The following TAGLN variants were observed in gnomAD, a reference collection of about 807,000 sequenced individuals.
TAGLN encodes 22 kDa actin-binding protein.
In TAGLN, 16 loss-of-function variants were observed where a neutral mutation model predicts 21.9. The observed-to-expected ratio is 0.73, with a 90% confidence interval of 0.49 to 1.11. The LOEUF is 1.11. Ranked by LOEUF, TAGLN falls within the 50% of genes least tolerant of loss-of-function variation. The pLI is 0.00. For missense variants in TAGLN, 248 were observed against 263.2 expected, an observed-to-expected ratio of 0.94 and a Z score of 0.40; for synonymous variants, 96 against 94.9, an observed-to-expected ratio of 1.01 and a Z score of -0.06.
Position 117,203,085 on chromosome 11 carries a change from G to A in TAGLN, c.72G>A (p.Glu24=). 1 of 1,612,702 alleles carries A rather than the reference G, an allele frequency of 6.2e-7. No homozygotes were observed. The highest frequency in any genetic ancestry group is 8.5e-7 in the Non-Finnish European group (1 of 1,179,282). ...CCAAAATCGAGAAGAAGTATGACGA[G>A]GAGCTGGAGGAGCGGCTGGTGGAGT... ...VQSKIEKKYD[E]ELEERLVEWI... The change falls in exon 2 of 5, where the codon GAG becomes GAA. Residue 24 remains glutamate (E), a synonymous_variant. Transcript: ENST00000392951. This position sits in a 1 kb window ranked among gnomAD's most constrained non-coding sequence, Gnocchi z 4.4.
At chr11:117,199,944 G>A (rs2031015253) in intron 1 of TAGLN, 1 of 152,214 alleles carries the variant, frequency 6.6e-6, no homozygotes, top group African/African-American at 2.4e-5. Flanking sequence ...CAGAACTCTT[G>A]TATTCCAGTC....
Position 117,204,930 on chromosome 11 carries a change from C to G in TAGLN, c.*571C>G. 1 of 206,102 alleles carries G rather than the reference C, an allele frequency of 4.9e-6. No homozygotes were observed. The highest frequency in any genetic ancestry group is 1.0e-5 in the Non-Finnish European group (1 of 98,788). The allele number at this position is 206,102 out of a possible 1,614,324, so 12.8% of individuals were successfully genotyped here. A position where few individuals can be genotyped will look rare whatever the true frequency, so the allele number is the denominator to read the frequency against. ...GAAGGACCCTTCATGTGCCAAGATTCCAGGACAGTCAGATTCTTTCAGAGG... is the reference window on the plus strand; with the variant it reads ...GAAGGACCCTTCATGTGCCAAGATTGCAGGACAGTCAGATTCTTTCAGAGG... On this transcript the variant is annotated 3_prime_UTR_variant, in exon 5 of 5. Transcript: ENST00000392951.
chr11:117,204,528 C>T lies in TAGLN; in HGVS notation c.*169C>T. ...ACCTGGGCAGCTCCTCCCTGTGCCCCCAGCCTCAGCCCAACTTCTTACCCG... is the reference window on the plus strand; with the variant it reads ...ACCTGGGCAGCTCCTCCCTGTGCCCTCAGCCTCAGCCCAACTTCTTACCCG... On this transcript the variant is annotated 3_prime_UTR_variant, in exon 5 of 5. Coordinates refer to ENST00000392951, the MANE Select transcript of TAGLN (RefSeq NM_003186.5). The T allele has an allele frequency of 9.9e-7, 1 of 1,009,962 alleles. No individual in the cohort carries two copies. Among genetic ancestry groups the T allele is most frequent in the South Asian group, 1.4e-5 (1 of 72,828 alleles). The allele number at this position is 1,009,962 out of a possible 1,614,324, so 62.6% of individuals were successfully genotyped here. A position where few individuals can be genotyped will look rare whatever the true frequency, so the allele number is the denominator to read the frequency against.
At chr11:117,201,427 G>A (rs934147978) in intron 1 of TAGLN, 4 of 152,202 alleles carry the variant, frequency 2.6e-5, no homozygotes, top group Non-Finnish European at 5.9e-5. Context: ...ACATTTTGAG[G>A]TCAGTTTTTC....
chr11:117,200,904 G>T (rs905194319), intron 1 of TAGLN, among the ~76,000 whole-genome samples: 4 of 152,106 alleles, frequency 2.6e-5, no homozygotes, highest in Non-Finnish European at 5.9e-5. Context: ...TGGAGTGGGG[G>T]TAGAAGCAGG....
Position 117,203,022 on chromosome 11 carries a change from C to A in TAGLN, c.9C>A (p.Asn3Lys), listed in dbSNP as rs1242207522. 6.4e-7 allele frequency: 1 copy of A among 1,564,194 alleles called. No homozygotes were observed. Among genetic ancestry groups the A allele is most frequent in the Non-Finnish European group, 8.7e-7 (1 of 1,154,604 alleles). ...TTTAGCTTTCCCCAGACATGGCCAA[C>A]AAGGGTCCTTCCTATGGCATGAGCC... MA[N>K]KGPSYGMSRE... The change falls in exon 2 of 5, where the codon AAC (asparagine) becomes AAA (lysine). Residue 3 changes from asparagine to lysine, a missense_variant. By Grantham distance (94) the Asn-to-Lys change is moderately conservative. Transcript: ENST00000392951. This position sits in a 1 kb window ranked among gnomAD's most constrained non-coding sequence, Gnocchi z 4.4.
rs1005565131 is a variant in TAGLN, at chr11:117,203,947, C to G, written c.461+63C>G. 3.5e-6 allele frequency: 5 copies of G among 1,434,502 alleles called. No homozygotes were observed. The highest frequency in any genetic ancestry group is 1.4e-5 in the African/African-American group (1 of 71,096). 88.9% of individuals were successfully genotyped at this position (1,434,502 alleles called of 1,614,324 possible). On this transcript the variant is annotated intron_variant, in intron 4 of 4. Coordinates refer to ENST00000392951, the MANE Select transcript of TAGLN (RefSeq NM_003186.5). The surrounding 1 kb of genome is among the most constrained non-coding windows in gnomAD (Gnocchi z 4.4). ...GTGGGAGGTGGCTTGTTCTAAGGAG[C>G]TTGCGGGAAGGATTAGGGGAAGCAG...
Position 117,204,696 on chromosome 11 carries a change from A to C in TAGLN, c.*337A>C, listed in dbSNP as rs944859413. 1.3e-4 allele frequency: 51 copies of C among 394,322 alleles called. No individual in the cohort carries two copies. Among genetic ancestry groups the C allele is most frequent in the African/African-American group, 9.2e-4 (45 of 48,688 alleles). The allele number at this position is 394,322 out of a possible 1,614,324, so 24.4% of individuals were successfully genotyped here. A position where few individuals can be genotyped will look rare whatever the true frequency, so the allele number is the denominator to read the frequency against. ...CTGTCCTCCTTGGCGGCAAAAGCCC[A>C]TTGAAGAAGAACCAGCCCAGCCTGC... On this transcript the variant is annotated 3_prime_UTR_variant, in exon 5 of 5. Coordinates refer to ENST00000392951, the MANE Select transcript of TAGLN (RefSeq NM_003186.5).
At position 117,204,344 on chromosome 11, in the gene TAGLN, G is replaced by A. The variant is rs762008752; in HGVS notation, c.591G>A (p.Arg197=). 1 of 1,614,228 alleles carries A rather than the reference G, an allele frequency of 6.2e-7. No individual in the cohort carries two copies. Among genetic ancestry groups the A allele is most frequent in the Admixed American group, 1.7e-5 (1 of 60,030 alleles). The change falls in exon 5 of 5, where the codon CGG becomes CGA. Residue 197 remains arginine (R), a synonymous_variant. Transcript: ENST00000392951. The part of the protein sequence containing the change: ...QAGMTGYGRP[R]QIIS ...GCATGACAGGCTACGGACGACCTCG[G>A]CAGATCATCAGTTAGAGCGGAGAGG...
chr11:117,205,770 A>G lies in TAGLN; in HGVS notation c.*1411A>G, dbSNP rs2031334865. On this transcript the variant is annotated 3_prime_UTR_variant, in exon 5 of 5. Coordinates refer to ENST00000392951, the MANE Select transcript of TAGLN (RefSeq NM_003186.5). ...GGGGGGCGCCAATCCCCTGTCCAAC[A>G]CCTTCTCACCAAAAGCTCCCGTTTG... The G allele has an allele frequency of 4.6e-6, 2 of 435,076 alleles. No individual in the cohort carries two copies. The highest frequency in any genetic ancestry group is 8.2e-6 in the Non-Finnish European group (2 of 245,286). 27.0% of individuals were successfully genotyped at this position (435,076 alleles called of 1,614,324 possible).
At chr11:117,202,870 T>A in intron 1 of TAGLN, 132 bp from the exon 2 acceptor site, 1 of 719,474 alleles carries the variant, frequency 1.4e-6, no homozygotes, top group African/African-American at 1.8e-5. Context: ...CTGGCCTGGA[T>A]GGGCAGTGCT....
At chr11:117,201,325 G>A (rs2134269221) in intron 1 of TAGLN, 1 of 152,404 alleles carries the variant, frequency 6.6e-6, no homozygotes, top group East Asian at 1.9e-4. Flanking sequence ...ACTTCGATGA[G>A]TCCGTGTGAA....
rs1052577903 is a variant in TAGLN at position 117,205,211 on chromosome 11, G to T, written c.*852G>T. The T allele has an allele frequency of 8.6e-6, 2 of 233,544 alleles. No homozygotes were observed. Among genetic ancestry groups the T allele is most frequent in the African/African-American group, 4.4e-5 (2 of 45,356 alleles). The allele number at this position is 233,544 out of a possible 1,614,324, so 14.5% of individuals were successfully genotyped here. A position where few individuals can be genotyped will look rare whatever the true frequency, so the allele number is the denominator to read the frequency against. ...CAGAAGAGGGGAGAAGGCCAAGGTT[G>T]AGAGAAGAGTCACAGCCTGTCAGGC... is the stretch of plus-strand genomic sequence containing the variant. On this transcript the variant is annotated 3_prime_UTR_variant, in exon 5 of 5. Coordinates refer to ENST00000392951, the MANE Select transcript of TAGLN (RefSeq NM_003186.5).
rs2031164571 is a variant in TAGLN at position 117,203,074 on chromosome 11, A to T, written c.61A>T (p.Lys21Ter). The change falls in exon 2 of 5, where the codon AAG becomes TAG. Residue 21 changes from lysine (K) to a stop codon, truncating the protein, a stop_gained. Transcript: ENST00000392951. LOFTEE classifies it high-confidence loss of function. This position sits in a 1 kb window ranked among gnomAD's most constrained non-coding sequence, Gnocchi z 4.4. ...CGAAGTGCAGTCCAAAATCGAGAAG[A>T]AGTATGACGAGGAGCTGGAGGAGCG... is the stretch of plus-strand genomic sequence containing the variant. ...SREVQSKIEK[K>*]YDEELEERLV... 6.2e-7 allele frequency: 1 copy of T among 1,611,576 alleles called. No individual in the cohort carries two copies. The highest frequency in any genetic ancestry group is 1.1e-5 in the South Asian group (1 of 90,616).
At chr11:117,201,283 C>T (rs533439107) in intron 1 of TAGLN, 5 of 152,352 alleles carry the variant, frequency 3.3e-5, no homozygotes, top group South Asian at 2.1e-4. Flanking sequence ...AGGAAACAGA[C>T]GCAAGGAGGA....
chr11:117,202,939 G>A lies in TAGLN; in HGVS notation c.-12-63G>A, dbSNP rs1267598418. On this transcript the variant is annotated intron_variant, in intron 1 of 4. Transcript: ENST00000392951. ...ACAGAGCTAGAAGGCTGCCTGGCACGGGTGAAAGCAGAGCTGCTCCCTGAC... is the reference window on the plus strand; with the variant it reads ...ACAGAGCTAGAAGGCTGCCTGGCACAGGTGAAAGCAGAGCTGCTCCCTGAC... 16 of 1,450,910 alleles carry A rather than the reference G, an allele frequency of 1.1e-5. No homozygotes were observed. In the Admixed American group the frequency reaches 1.5e-4, roughly 13 times the overall value. The allele number at this position is 1,450,910 out of a possible 1,614,324, so 89.9% of individuals were successfully genotyped here.
At position 117,203,950 on chromosome 11, in the gene TAGLN, G is replaced by C; in HGVS notation, c.461+66G>C. ...GGAGGTGGCTTGTTCTAAGGAGCTTGCGGGAAGGATTAGGGGAAGCAGATA... is the reference window on the plus strand; with the variant it reads ...GGAGGTGGCTTGTTCTAAGGAGCTTCCGGGAAGGATTAGGGGAAGCAGATA... On this transcript the variant is annotated intron_variant, in intron 4 of 4. Coordinates refer to ENST00000392951, the MANE Select transcript of TAGLN (RefSeq NM_003186.5). This position sits in a 1 kb window ranked among gnomAD's most constrained non-coding sequence, Gnocchi z 4.4. The C allele has an allele frequency of 1.4e-6, 2 of 1,418,436 alleles. No individual in the cohort carries two copies. Among genetic ancestry groups the C allele is most frequent in the Non-Finnish European group, 2.0e-6 (2 of 1,004,438 alleles). The allele number at this position is 1,418,436 out of a possible 1,614,324, so 87.9% of individuals were successfully genotyped here.
Position 117,203,172 on chromosome 11 carries a change from G to T in TAGLN, c.159G>T (p.Gln53His). ...CAGACCGTGGGCGCTTGGGCTTCCAGGTCTGGCTGAAGAATGGCGTGGTGA... is the reference window on the plus strand; with the variant it reads ...CAGACCGTGGGCGCTTGGGCTTCCATGTCTGGCTGAAGAATGGCGTGGTGA... Reference protein sequence around the residue: ...GRPDRGRLGFQVWLKNGVILS... With the variant: ...GRPDRGRLGFHVWLKNGVILS... Residue 53 changes from glutamine (Q) to histidine (H), a missense_variant, in exon 2 of 5, where the codon CAG becomes CAT. Transcript: ENST00000392951. The surrounding 1 kb of genome is among the most constrained non-coding windows in gnomAD (Gnocchi z 4.4). 1 of 1,591,022 alleles carries T rather than the reference G, an allele frequency of 6.3e-7. No homozygotes were observed. The highest frequency in any genetic ancestry group is 1.1e-5 in the South Asian group (1 of 88,180).
chr11:117,203,493 G>A lies in TAGLN; in HGVS notation c.358+9G>A. 6.2e-7 allele frequency: 1 copy of A among 1,612,258 alleles called. No homozygotes were observed. Among genetic ancestry groups the A allele is most frequent in the Non-Finnish European group, 8.5e-7 (1 of 1,178,442 alleles). ...TGTTGACCTCTTTGAAGGTAGAGAG[G>A]AAGAGGCTGGGGGAGGAGGTGGGCA... On this transcript the variant is annotated intron_variant, in intron 3 of 4. Transcript: ENST00000392951. This position sits in a 1 kb window ranked among gnomAD's most constrained non-coding sequence, Gnocchi z 4.4.
Sources: gnomAD v4.1 joint callset for allele counts (sites outside exome capture counted in the v4.1 genomes callset) on GRCh38, gnomAD v4.1.1 for gene constraint, Gnocchi (gnomAD v3.1) non-coding constraint, MANE v1.5 for transcripts, NCBI Gene and HGNC (gene_info 2026-07-23, HGNC 2026-07-21) for gene names.